ANO6: variants seen among roughly 807,000 people sequenced by gnomAD.
The protein encoded by ANO6 is anoctamin 6.
In ANO6, 106 loss-of-function variants were observed where a neutral mutation model predicts 117.5. The observed-to-expected ratio is 0.90, with a 90% CI of 0.77 to 1.06. The LOEUF is 1.06. Among genes scored for constraint, ANO6 ranks in the 50% least tolerant of loss-of-function variants. ANO6 has a pLI of 0.00. For missense variants in ANO6, 955 were observed against 1,121.1 expected, an observed-to-expected ratio of 0.85 and a Z score of 2.12; for synonymous variants, 367 against 385.1, an observed-to-expected ratio of 0.95 and a Z score of 0.55.
At chr12:45,258,871 G>A (rs1343619549) in intron 1 of ANO6, among the ~76,000 whole-genome samples, 1 of 152,212 alleles carries the variant, frequency 6.6e-6, no homozygotes, top group African/African-American at 2.4e-5. Context: ...TATAGTCCAT[G>A]CCCTCAGGTT....
intron 12 of ANO6, among the ~76,000 whole-genome samples, chr12:45,399,349 C>T (rs1942721042): frequency 6.6e-6 from 1 of 152,160 alleles, no homozygotes; most frequent in Non-Finnish European, 1.5e-5. Flanking sequence ...GCACCTGCCA[C>T]CACGCCCAGC....
chr12:45,420,344 A>G (rs938674716), intron 17 of ANO6, among the ~76,000 whole-genome samples: 5 of 152,164 alleles, frequency 3.3e-5, no homozygotes, highest in South Asian at 2.1e-4. Context: ...TTCTAGGCTG[A>G]GATCAGTGGC....
chr12:45,423,780 T>C, intron 19 of ANO6, among the ~76,000 whole-genome samples: 1 of 152,130 alleles, frequency 6.6e-6, no homozygotes, highest in East Asian at 1.9e-4. Flanking sequence ...GTTAAAAAAT[T>C]ACATGCAAAG....
At chr12:45,332,310 T>TCTCA (rs548636387) in intron 3 of ANO6, among the ~76,000 whole-genome samples, 1 of 63,356 alleles carries the variant, frequency 1.6e-5, no homozygotes, top group African/African-American at 4.7e-5. Flanking sequence ...TCTCTCTCTC[T>TCTCA]CACACACACA....
intron 1 of ANO6, among the ~76,000 whole-genome samples, chr12:45,291,157 C>T (rs576417129): frequency 5.9e-5 from 9 of 152,160 alleles, no homozygotes; most frequent in Non-Finnish European, 1.0e-4. Context: ...GATTAACCCA[C>T]GTGCAAGAGC....
At chr12:45,362,863 A>G (rs1941590126) in intron 8 of ANO6, among the ~76,000 whole-genome samples, 1 of 152,170 alleles carries the variant, frequency 6.6e-6, no homozygotes, top group African/African-American at 2.4e-5. Context: ...TTACAACTTA[A>G]TGCATTATAA....
chr12:45,348,745 CA>C, intron 6 of ANO6, 114 bp downstream of exon 6: 2 of 807,554 alleles, frequency 2.5e-6, no homozygotes, highest in Non-Finnish European at 4.3e-6. Flanking sequence ...ATGAAGGGAA[CA>C]TACTGCAAGA....
intron 2 of ANO6, among the ~76,000 whole-genome samples, chr12:45,329,132 C>G (rs1460165887): frequency 6.6e-6 from 1 of 152,154 alleles, no homozygotes; most frequent in African/African-American, 2.4e-5. Flanking sequence ...GAGCAAAGAT[C>G]CTAATCTGAC....
At chr12:45,374,776 C>G (rs1391930909) in intron 9 of ANO6, among the ~76,000 whole-genome samples, 1 of 151,778 alleles carries the variant, frequency 6.6e-6, no homozygotes, top group Non-Finnish European at 1.5e-5. Flanking sequence ...TGGAAGCATT[C>G]CCTTTGAAAA....
chr12:45,282,754 T>C (rs912125594), intron 1 of ANO6, among the ~76,000 whole-genome samples: 1 of 152,220 alleles, frequency 6.6e-6, no homozygotes, highest in Non-Finnish European at 1.5e-5. Context: ...TATTGTTTTA[T>C]TCTGATTACA....
At position 45,430,720 on chromosome 12, in the gene ANO6, C is replaced by G. The variant is rs776242557; in HGVS notation, c.*1409C>G. 2 of 985,298 alleles carry G rather than the reference C, an allele frequency of 2.0e-6. No homozygotes were observed. Among genetic ancestry groups the G allele is most frequent in the East Asian group, 1.1e-4 (1 of 8,824 alleles). 61.0% of individuals were successfully genotyped at this position (985,298 alleles called of 1,614,324 possible). ...CCTGCTGCACTCCTGTCTTGCCATG[C>G]ACGTCTTGCCCCCTCACTTTTGCTC... is the stretch of plus-strand genomic sequence containing the variant. On this transcript the variant is annotated 3_prime_UTR_variant, in exon 20 of 20. Transcript: ENST00000320560.
chr12:45,327,735 A>T (rs1327088452), intron 2 of ANO6, among the ~76,000 whole-genome samples: 1 of 152,032 alleles, frequency 6.6e-6, no homozygotes, highest in Non-Finnish European at 1.5e-5. Flanking sequence ...ATTTTAAGAA[A>T]CTTAGCTCAT....
chr12:45,231,459 A>G (rs897323663), intron 1 of ANO6, among the ~76,000 whole-genome samples: 3 of 152,220 alleles, frequency 2.0e-5, no homozygotes, highest in African/African-American at 7.2e-5. Flanking sequence ...TAGACATTCC[A>G]TATCATTTGG....
At chr12:45,428,130 A>G (rs1943549263) in intron 19 of ANO6, among the ~76,000 whole-genome samples, 1 of 152,314 alleles carries the variant, frequency 6.6e-6, no homozygotes, top group Non-Finnish European at 1.5e-5. Flanking sequence ...AAACTTGCAG[A>G]TAATGCTCTA....
At chr12:45,309,245 A>T (rs1939773296) in intron 2 of ANO6, among the ~76,000 whole-genome samples, 2 of 152,108 alleles carry the variant, frequency 1.3e-5, no homozygotes, top group African/African-American at 4.8e-5. Context: ...TCCTGGTCTG[A>T]TGAAGGACAC....
intron 9 of ANO6, among the ~76,000 whole-genome samples, chr12:45,375,130 A>G (rs1941968890): frequency 6.6e-6 from 1 of 152,206 alleles, no homozygotes; most frequent in Non-Finnish European, 1.5e-5. Flanking sequence ...TAAAATACCT[A>G]GGAATCCAAC....
At chr12:45,433,792 C>T (rs1245625384), downstream of ANO6, among the ~76,000 whole-genome samples, 1 of 152,196 alleles carries the variant, frequency 6.6e-6, no homozygotes, top group Non-Finnish European at 1.5e-5. Context: ...TGACCCCACC[C>T]AGAGCCTTCG....
At chr12:45,388,688 C>T (rs1459051244) in intron 11 of ANO6, among the ~76,000 whole-genome samples, 6 of 152,114 alleles carry the variant, frequency 3.9e-5, no homozygotes, top group African/African-American at 1.4e-4. Context: ...TATTCCAGCC[C>T]CTTATTCATC....
chr12:45,329,513 A>G (rs1940591112), intron 2 of ANO6, among the ~76,000 whole-genome samples: 1 of 152,122 alleles, frequency 6.6e-6, no homozygotes. Flanking sequence ...CTAACTGCCA[A>G]CCTGTGCCAC....
Sources: allele counts gnomAD v4.1 joint callset (sites outside exome capture counted in the v4.1 genomes callset), GRCh38; gene constraint gnomAD v4.1.1; transcripts MANE v1.5; gene names NCBI Gene and HGNC (gene_info 2026-07-23, HGNC 2026-07-21).